HECTD4: variants seen among roughly 807,000 people sequenced by gnomAD.
The protein encoded by HECTD4 is probable E3 ubiquitin-protein ligase HECTD4.
HECTD4 carries 114 observed loss-of-function variants against 471.5 expected under a neutral mutation model. That is an observed-to-expected ratio of 0.24 (90% CI 0.21 to 0.28). The LOEUF (loss-of-function observed/expected upper bound fraction) is 0.28, where lower values mean the gene tolerates loss of function less well. Among genes scored for constraint, HECTD4 ranks in the 10% least tolerant of loss-of-function variants. HECTD4 has a pLI of 1.00. For missense variants in HECTD4, 3,866 were observed against 5,651.5 expected (o/e 0.68, Z 10.13); for synonymous variants, 2,012 against 2,256.0 (o/e 0.89, Z 3.07).
chr12:112,219,085 T>C (rs1470404767), intron 45 of HECTD4, among the ~76,000 whole-genome samples: 3 of 152,042 alleles, frequency 2.0e-5, no homozygotes, highest in Non-Finnish European at 4.4e-5. Context: ...AAACTGACTG[T>C]ATCTCTAAAC....
chr12:112,266,878 G>A (rs370876085), intron 14 of HECTD4, 34 bp downstream of exon 14: 43 of 1,057,820 alleles, frequency 4.1e-5, no homozygotes, highest in African/African-American at 9.5e-5. Flanking sequence ...AAAAAAGGAC[G>A]GCTGTTCAAA....
intron 9 of HECTD4, among the ~76,000 whole-genome samples, chr12:112,276,255 T>C (rs529753747): frequency 1.3e-5 from 2 of 152,230 alleles, no homozygotes; most frequent in African/African-American, 4.8e-5. Context: ...TATATCCTCA[T>C]GAAAGAATGG....
At chr12:112,312,641 C>T (rs1002583355) in intron 4 of HECTD4, among the ~76,000 whole-genome samples, 1 of 152,120 alleles carries the variant, frequency 6.6e-6, no homozygotes, top group Non-Finnish European at 1.5e-5. Context: ...AACACACACA[C>T]AATAAATTAC....
chr12:112,228,689 T>C lies in HECTD4; in HGVS notation c.6642A>G (p.Thr2214=), dbSNP rs1423244766. 1.9e-6 allele frequency: 3 copies of C among 1,612,334 alleles called. No homozygotes were observed. Among genetic ancestry groups the C allele is most frequent in the Admixed American group, 3.4e-5 (2 of 59,352 alleles). Residue 2214 remains threonine, a synonymous_variant, in exon 42 of 76, where the codon ACA becomes ACG. Transcript: ENST00000682272. This position sits in a 1 kb window ranked among gnomAD's most constrained non-coding sequence, Gnocchi z 4.9. ...DCRKTSQASD[T]LTIPLSRLCV... is the part of the protein sequence containing the mutation. ...AAAGTCTAGACAATGGAATAGTCAATGTGTCTGACGCTTGCGAAGTCTTTC... is the reference window on the plus strand; with the variant it reads ...AAAGTCTAGACAATGGAATAGTCAACGTGTCTGACGCTTGCGAAGTCTTTC...
chr12:112,211,634 G>A (rs140725811), intron 49 of HECTD4, among the ~76,000 whole-genome samples: 3 of 152,204 alleles, frequency 2.0e-5, no homozygotes, highest in Non-Finnish European at 2.9e-5. Context: ...GGCAGGGCCG[G>A]GTTGTTGATG....
chr12:112,182,943 G>T (rs1593904480), intron 62 of HECTD4, 116 bp downstream of exon 62: 1 of 719,000 alleles, frequency 1.4e-6, no homozygotes, highest in East Asian at 2.5e-5. Context: ...TTTAATGCAA[G>T]ATGTTAAAAA....
Position 112,163,978 on chromosome 12 carries a change from T to C in HECTD4, c.12701+131A>G, listed in dbSNP as rs2030817483. ...CACCCACCATCCTGCCTCATCTCCC[T>C]CTCCTGGTGAAATCCACCTGTCACC... On this transcript the variant is annotated intron_variant, in intron 73 of 75. Coordinates refer to ENST00000682272, the MANE Select transcript of HECTD4 (RefSeq NM_001388303.1). This position sits in a 1 kb window ranked among gnomAD's most constrained non-coding sequence, Gnocchi z 8.2. The C allele has an allele frequency of 1.9e-6, 2 of 1,026,616 alleles. No individual in the cohort carries two copies. The highest frequency in any genetic ancestry group is 2.6e-6 in the Non-Finnish European group (2 of 755,302). The allele number at this position is 1,026,616 out of a possible 1,614,324, so 63.6% of individuals were successfully genotyped here. A position where few individuals can be genotyped will look rare whatever the true frequency, so the allele number is the denominator to read the frequency against.
In HECTD4 at chr12:112,308,812, C is replaced by A. The variant is rs2035319893; in HGVS notation, c.1105G>T (p.Val369Phe). ...GAGTGAGGTTTATTATCGAAAGAGA[C>A]AGGCCGGTGGAGAAGACTGCCGCTG... The part of the protein sequence containing the change: ...FGSGSLLHRP[V>F]SFDNKPHSLF... Residue 369 changes from valine to phenylalanine, a missense_variant, in exon 6 of 76, where the codon GTC (valine) becomes TTC (phenylalanine). Around this residue, in one of 16 missense-constraint regions of HECTD4, gnomAD observed 440 missense variants for 636.0 expected, o/e 0.69. Coordinates refer to ENST00000682272, the MANE Select transcript of HECTD4 (RefSeq NM_001388303.1). 1 of 1,536,040 alleles carries A rather than the reference C, an allele frequency of 6.5e-7. No homozygotes were observed. The highest frequency in any genetic ancestry group is 8.7e-7 in the Non-Finnish European group (1 of 1,146,852).
Position 112,193,299 on chromosome 12 carries a change from T to G in HECTD4, c.8956-108A>C. On this transcript the variant is annotated intron_variant, in intron 57 of 75. Coordinates refer to ENST00000682272, the MANE Select transcript of HECTD4 (RefSeq NM_001388303.1). The surrounding 1 kb of genome is among the most constrained non-coding windows in gnomAD (Gnocchi z 5.2). Reference sequence around the variant, plus strand: ...AATCAGCCAAACGACTAAATAGCCCTCTGGAAGGAAGCAAGCTACAGATGA... The same window carrying G: ...AATCAGCCAAACGACTAAATAGCCCGCTGGAAGGAAGCAAGCTACAGATGA... 1 of 1,439,248 alleles carries G rather than the reference T, an allele frequency of 6.9e-7. No homozygotes were observed. Among genetic ancestry groups the G allele is most frequent in the Non-Finnish European group, 9.5e-7 (1 of 1,055,098 alleles). 89.2% of individuals were successfully genotyped at this position (1,439,248 alleles called of 1,614,324 possible).
At chr12:112,340,214 A>G (rs556676823) in intron 1 of HECTD4, among the ~76,000 whole-genome samples, 123 of 152,364 alleles carry the variant, frequency 8.1e-4, no homozygotes, top group African/African-American at 3.0e-3. Context: ...AAAGCAGACT[A>G]AGATCACCAT....
intron 20 of HECTD4, 29 bp downstream of exon 20, chr12:112,258,467 G>C (rs1183069729): frequency 4.1e-6 from 6 of 1,476,734 alleles, no homozygotes; most frequent in East Asian, 2.5e-5. Context: ...ACAAGAAAAG[G>C]GTTCCTGCAA....
At position 112,247,209 on chromosome 12, in the gene HECTD4, AC is replaced by A. The variant is rs1166146405; in HGVS notation, c.4338-134del. 6.8e-6 allele frequency: 5 copies of A among 732,314 alleles called. No individual in the cohort carries two copies. In the African/African-American group the frequency reaches 9.1e-5, roughly 13 times the overall value. 45.4% of individuals were successfully genotyped at this position (732,314 alleles called of 1,614,324 possible). A position where few individuals can be genotyped will look rare whatever the true frequency, so the allele number is the denominator to read the frequency against. On this transcript the variant is annotated intron_variant, in intron 28 of 75. Coordinates refer to ENST00000682272, the MANE Select transcript of HECTD4 (RefSeq NM_001388303.1). ...AAAAGTAACCTAATCAACATTGCTT[AC>A]TTCCCTGTTTCCTCATCCAAGTAAC...
chr12:112,250,071 G>A, intron 25 of HECTD4, 73 bp downstream of exon 25: 1 of 1,020,516 alleles, frequency 9.8e-7, no homozygotes, highest in Middle Eastern at 2.1e-4. Context: ...GACCACAGAA[G>A]AAATATACCC....
chr12:112,243,208 G>T lies in HECTD4; in HGVS notation c.4958+145C>A. ...GTTCTATTAATATGTTGAGTTTTTT[G>T]CAAGATCATGTACCACTTTTATATA... On this transcript the variant is annotated intron_variant, in intron 32 of 75. Transcript: ENST00000682272. The surrounding 1 kb of genome is among the most constrained non-coding windows in gnomAD (Gnocchi z 6.6). 1.4e-6 allele frequency: 1 copy of T among 733,776 alleles called. No homozygotes were observed. The highest frequency in any genetic ancestry group is 2.2e-6 in the Non-Finnish European group (1 of 457,172). 45.5% of individuals were successfully genotyped at this position (733,776 alleles called of 1,614,324 possible).
chr12:112,168,658 G>T (rs922891629), intron 70 of HECTD4, among the ~76,000 whole-genome samples: 1 of 152,196 alleles, frequency 6.6e-6, no homozygotes, highest in African/African-American at 2.4e-5. Flanking sequence ...AAGCAGGAGC[G>T]TCCTGACTGC....
In HECTD4 at chr12:112,248,376, A is replaced by G; in HGVS notation, c.4087T>C (p.Cys1363Arg). Residue 1363 changes from cysteine (C) to arginine (R), a missense_variant, in exon 26 of 76, where the codon TGT (cysteine) becomes CGT (arginine). Around this residue, in one of 16 missense-constraint regions of HECTD4, gnomAD observed 281 missense variants for 499.9 expected, o/e 0.56. Coordinates refer to ENST00000682272, the MANE Select transcript of HECTD4 (RefSeq NM_001388303.1). ...TTAAAGGTCTCTCCCATAATTTTAC[A>G]TAATAAATCATATTCTTCAGCATGT... ...EEHAEEYDLL[C>R]KIMGETFKKL... 3 of 1,610,250 alleles carry G rather than the reference A, an allele frequency of 1.9e-6. No individual in the cohort carries two copies. Among genetic ancestry groups the G allele is most frequent in the East Asian group, 2.2e-5 (1 of 44,846 alleles).
At chr12:112,271,661 T>C (rs2034415404) in intron 11 of HECTD4, among the ~76,000 whole-genome samples, 1 of 152,200 alleles carries the variant, frequency 6.6e-6, no homozygotes, top group Admixed American at 6.5e-5. Flanking sequence ...ACTCTACTAA[T>C]CTATGGCCCA....
intron 28 of HECTD4, 134 bp downstream of exon 28, chr12:112,247,328 C>A: frequency 1.5e-6 from 1 of 674,924 alleles, no homozygotes; most frequent in Admixed American, 3.6e-5. Flanking sequence ...TCCAATTTAC[C>A]AAATGAGTTC....
chr12:112,230,452 T>C (rs2033351833), intron 40 of HECTD4, among the ~76,000 whole-genome samples: 2 of 152,214 alleles, frequency 1.3e-5, no homozygotes, highest in South Asian at 4.1e-4. Context: ...CCTGTCACTC[T>C]TTCCCTGAGA....
Sources: gnomAD v4.1 joint callset for allele counts (sites outside exome capture counted in the v4.1 genomes callset) on GRCh38, gnomAD v4.1.1 for gene constraint, gnomAD v4.1.1 regional missense constraint, Gnocchi (gnomAD v3.1) non-coding constraint, MANE v1.5 for transcripts, NCBI Gene and HGNC (gene_info 2026-07-23, HGNC 2026-07-21) for gene names.